Variants in MRPS6 observed in about 807,000 individuals in gnomAD.
MRPS6 encodes the protein small ribosomal subunit protein bS6m.
Under a neutral mutation model 13.1 loss-of-function variants are expected in MRPS6, and 6 were observed. The ratio of observed to expected loss-of-function variants is 0.46; its 90% CI spans 0.25 to 0.91. MRPS6 has a LOEUF of 0.91. MRPS6 is among the 40% of genes least tolerant of loss of function. MRPS6 has a pLI of 0.18. For synonymous variants in MRPS6, 61 were observed against 56.5 expected, an observed-to-expected ratio of 1.08 and a Z score of -0.36; for missense variants, 164 against 155.6, an observed-to-expected ratio of 1.05 and a Z score of -0.29.
chr21:34,086,705 A>G (rs1978403439), intron 1 of MRPS6, among the ~76,000 whole-genome samples: 1 of 152,096 alleles, frequency 6.6e-6, no homozygotes, highest in Non-Finnish European at 1.5e-5. Flanking sequence ...TTTTGTTAGG[A>G]TTAGATGAGC....
intron 1 of MRPS6, among the ~76,000 whole-genome samples, chr21:34,085,891 T>C (rs374886877): frequency 1.3e-5 from 2 of 152,128 alleles, no homozygotes; most frequent in African/African-American, 2.4e-5. Context: ...TGTGAGCCAC[T>C]GCGCCCGGCC....
At chr21:34,089,158 G>A (rs1244711929) in intron 1 of MRPS6, among the ~76,000 whole-genome samples, 1 of 151,752 alleles carries the variant, frequency 6.6e-6, no homozygotes, top group East Asian at 1.9e-4. Flanking sequence ...CTCCTGAGTA[G>A]CTGGGATTAC....
intron 1 of MRPS6, chr21:34,098,873 A>G (rs1979098262): frequency 1.0e-6 from 1 of 999,630 alleles, no homozygotes; most frequent in Admixed American, 6.1e-5. Context: ...CAAATTATGT[A>G]TGTACTTTCT....
intron 1 of MRPS6, chr21:34,099,986 C>A: frequency 3.6e-6 from 2 of 551,268 alleles, no homozygotes; most frequent in Non-Finnish European, 4.8e-6. Context: ...AATGATCATA[C>A]ATGGACTGTC....
rs761623554 is a variant in MRPS6, at chr21:34,096,876, C to T, written c.45+23131C>T. Reference sequence around the variant, plus strand: ...CCTGGTGGTGAAGGAGAACTGCTCCCCAAAAGAGGAACCATACAAAATGCA... The same window carrying T: ...CCTGGTGGTGAAGGAGAACTGCTCCTCAAAAGAGGAACCATACAAAATGCA... On this transcript the variant is annotated intron_variant, in intron 1 of 2. Coordinates refer to ENST00000399312, the MANE Select transcript of MRPS6 (RefSeq NM_032476.4). The surrounding 1 kb of genome is among the most constrained non-coding windows in gnomAD (Gnocchi z 5.9). 45 of 1,613,904 alleles carry T rather than the reference C, an allele frequency of 2.8e-5. No individual in the cohort carries two copies. Among genetic ancestry groups the T allele is most frequent in the Non-Finnish European group, 3.6e-5 (42 of 1,179,978 alleles).
At chr21:34,134,564 A>G (rs1398669215) in intron 2 of MRPS6, among the ~76,000 whole-genome samples, 2 of 152,222 alleles carry the variant, frequency 1.3e-5, no homozygotes, top group Non-Finnish European at 2.9e-5. Flanking sequence ...AAGGTTTGAC[A>G]TATGTATACA....
At chr21:34,101,158 C>T (rs1425633551) in intron 1 of MRPS6, 2 of 999,864 alleles carry the variant, frequency 2.0e-6, no homozygotes, top group Admixed American at 6.2e-5. Flanking sequence ...AGATAAGTAC[C>T]TGGGTGACAC....
At chr21:34,105,653 A>T (rs964805049) in intron 1 of MRPS6, 37 of 998,914 alleles carry the variant, frequency 3.7e-5, no homozygotes, top group Admixed American at 6.2e-5. Context: ...GCCAAATGTG[A>T]TTATAAATGA....
At chr21:34,074,489 A>C (rs898827332) in intron 1 of MRPS6, among the ~76,000 whole-genome samples, 9 of 152,070 alleles carry the variant, frequency 5.9e-5, no homozygotes, top group Admixed American at 2.6e-4. Flanking sequence ...AGGGGATTTC[A>C]GGTTTGGAGG....
At chr21:34,140,478 A>G (rs1980872338) in intron 2 of MRPS6, among the ~76,000 whole-genome samples, 2 of 152,182 alleles carry the variant, frequency 1.3e-5, no homozygotes, top group Non-Finnish European at 2.9e-5. Flanking sequence ...ATGGCCCAGA[A>G]TATGGTTGGC....
intron 1 of MRPS6, chr21:34,101,555 GTCTT>G: frequency 1.0e-6 from 1 of 1,000,082 alleles, no homozygotes; most frequent in Non-Finnish European, 1.2e-6. Flanking sequence ...AGAGAGACTG[GTCTT>G]TCTCTTTGTC....
intron 1 of MRPS6, among the ~76,000 whole-genome samples, chr21:34,111,772 T>G (rs1979708403): frequency 6.6e-6 from 1 of 152,140 alleles, no homozygotes; most frequent in South Asian, 2.1e-4. Flanking sequence ...GTAGGCCCCC[T>G]GTAAAGTCCT....
At chr21:34,079,078 C>T (rs1989399452) in intron 1 of MRPS6, among the ~76,000 whole-genome samples, 1 of 152,160 alleles carries the variant, frequency 6.6e-6, no homozygotes, top group Non-Finnish European at 1.5e-5. Context: ...CTTTTTGTTG[C>T]TTTGAAATTA....
At chr21:34,137,795 T>A (rs938940576) in intron 2 of MRPS6, among the ~76,000 whole-genome samples, 2 of 152,046 alleles carry the variant, frequency 1.3e-5, no homozygotes, top group Non-Finnish European at 2.9e-5. Context: ...TTTTTTTTTT[T>A]AATCAGGAAT....
chr21:34,096,804 C>T lies in MRPS6; in HGVS notation c.45+23059C>T. 1 of 1,614,040 alleles carries T rather than the reference C, an allele frequency of 6.2e-7. No individual in the cohort carries two copies. Among genetic ancestry groups the T allele is most frequent in the Admixed American group, 1.7e-5 (1 of 60,000 alleles). ...AATTGTGAGCCTTCTCACACCACCT[C>T]CCACAAAGGAACAGATTCGAACCAC... is the stretch of plus-strand genomic sequence containing the variant. On this transcript the variant is annotated intron_variant, in intron 1 of 2. Transcript: ENST00000399312. This position sits in a 1 kb window ranked among gnomAD's most constrained non-coding sequence, Gnocchi z 5.9.
Position 34,104,609 on chromosome 21 carries a change from T to C in MRPS6, c.46-20732T>C. On this transcript the variant is annotated intron_variant, in intron 1 of 2. Transcript: ENST00000399312. ...GTTTTAGAAGAGTTAACCTGAACAC[T>C]TTGAGGGAGAGATTATTCTTGCCAG... 3 of 1,000,178 alleles carry C rather than the reference T, an allele frequency of 3.0e-6. No individual in the cohort carries two copies. The South Asian group carries it at 1.4e-4, about 47-fold the overall frequency. 62.0% of individuals were successfully genotyped at this position (1,000,178 alleles called of 1,614,324 possible). A position where few individuals can be genotyped will look rare whatever the true frequency, so the allele number is the denominator to read the frequency against.
intron 1 of MRPS6, among the ~76,000 whole-genome samples, chr21:34,106,700 A>G (rs572452043): frequency 6.6e-6 from 1 of 152,290 alleles, no homozygotes; most frequent in South Asian, 2.1e-4. Context: ...TTACTCCCTG[A>G]GTACTTTGCG....
At position 34,096,476 on chromosome 21, in the gene MRPS6, G is replaced by A; in HGVS notation, c.45+22731G>A. The A allele has an allele frequency of 6.2e-7, 1 of 1,614,158 alleles. No homozygotes were observed. The highest frequency in any genetic ancestry group is 8.5e-7 in the Non-Finnish European group (1 of 1,180,008). On this transcript the variant is annotated intron_variant, in intron 1 of 2. Coordinates refer to ENST00000399312, the MANE Select transcript of MRPS6 (RefSeq NM_032476.4). This position sits in a 1 kb window ranked among gnomAD's most constrained non-coding sequence, Gnocchi z 5.9. ...TGGTGGTGATCAGCATAGCATGGGTGCCAATCATCGTGGAGATGCAAGGAG... is the reference window on the plus strand; with the variant it reads ...TGGTGGTGATCAGCATAGCATGGGTACCAATCATCGTGGAGATGCAAGGAG...
At chr21:34,106,166 T>C (rs531912475) in intron 1 of MRPS6, 1 of 989,918 alleles carries the variant, frequency 1.0e-6, no homozygotes, top group South Asian at 4.7e-5. Flanking sequence ...AGTACATTCC[T>C]TTCTGTGGTA....
Sources: gnomAD v4.1 joint callset for allele counts (sites outside exome capture counted in the v4.1 genomes callset) on GRCh38, gnomAD v4.1.1 for gene constraint, Gnocchi (gnomAD v3.1) non-coding constraint, MANE v1.5 for transcripts, NCBI Gene and HGNC (gene_info 2026-07-23, HGNC 2026-07-21) for gene names.